AGBL2: variants seen among roughly 807,000 people sequenced by gnomAD.
The protein encoded by AGBL2 is AGBL carboxypeptidase 2.
In AGBL2, 87 loss-of-function variants were observed where a neutral mutation model predicts 103.0. That is an observed-to-expected ratio of 0.84 (90% CI 0.71 to 1.01). The LOEUF is 1.01. AGBL2 is among the 50% of genes least tolerant of loss of function. The probability of loss-of-function intolerance (pLI) is 0.00; values close to 1 mark genes in which losing one functional copy is unlikely to be tolerated. For synonymous variants in AGBL2, 335 were observed against 356.7 expected, an observed-to-expected ratio of 0.94 and a Z score of 0.69; for missense variants, 904 against 1,023.5, an observed-to-expected ratio of 0.88 and a Z score of 1.59.
At chr11:47,674,883 T>G (rs1411296412) in intron 14 of AGBL2, among the ~76,000 whole-genome samples, 1 of 151,900 alleles carries the variant, frequency 6.6e-6, no homozygotes, top group East Asian at 1.9e-4. Context: ...TACAGGCATG[T>G]GCCATCACAC....
chr11:47,709,332 G>C (rs1447303364), intron 4 of AGBL2, among the ~76,000 whole-genome samples: 1 of 150,944 alleles, frequency 6.6e-6, no homozygotes, highest in African/African-American at 2.4e-5. Flanking sequence ...GAGGTGGTAG[G>C]ACTCTGAGGG....
intron 7 of AGBL2, among the ~76,000 whole-genome samples, chr11:47,701,913 C>T (rs1018940619): frequency 5.4e-5 from 8 of 148,316 alleles, no homozygotes; most frequent in Admixed American, 4.8e-4. Context: ...GCGGAGGTTG[C>T]AGTGAGCCAA....
At position 47,668,826 on chromosome 11, in the gene AGBL2, A is replaced by G; in HGVS notation, c.2214+15T>C. On this transcript the variant is annotated intron_variant, in intron 15 of 18. Transcript: ENST00000525123. ...TTTAAGGCTGCTATTTCCTGGGTATAAGAGTTCAGCTTACCTCATCTGCTA... is the reference window on the plus strand; with the variant it reads ...TTTAAGGCTGCTATTTCCTGGGTATGAGAGTTCAGCTTACCTCATCTGCTA... The G allele has an allele frequency of 6.2e-7, 1 of 1,606,688 alleles. No homozygotes were observed. Among genetic ancestry groups the G allele is most frequent in the Non-Finnish European group, 8.5e-7 (1 of 1,173,562 alleles).
At chr11:47,664,963 C>A (rs2097337595) in intron 17 of AGBL2, among the ~76,000 whole-genome samples, 1 of 151,318 alleles carries the variant, frequency 6.6e-6, no homozygotes, top group Admixed American at 6.6e-5. Flanking sequence ...CTCACTGTAG[C>A]CTTGACCTCT....
chr11:47,677,259 T>C lies in AGBL2; in HGVS notation c.2147+12A>G. On this transcript the variant is annotated intron_variant, in intron 14 of 18. Coordinates refer to ENST00000525123, the MANE Select transcript of AGBL2 (RefSeq NM_024783.4). ...TTTAAAAAAAAACAAAACTCTGTTT[T>C]TTCTTTGTTACCTGGATTCAATGTC... 1 of 1,583,458 alleles carries C rather than the reference T, an allele frequency of 6.3e-7. No individual in the cohort carries two copies. The highest frequency in any genetic ancestry group is 8.6e-7 in the Non-Finnish European group (1 of 1,168,892).
chr11:47,692,625 G>A (rs1038131979), intron 8 of AGBL2, among the ~76,000 whole-genome samples: 1 of 151,084 alleles, frequency 6.6e-6, no homozygotes, highest in African/African-American at 2.4e-5. Context: ...TGTTAGCCAG[G>A]ATGGTCTCGA....
At chr11:47,669,397 C>T (rs566328736) in intron 14 of AGBL2, among the ~76,000 whole-genome samples, 94 of 152,178 alleles carry the variant, frequency 6.2e-4, no homozygotes, top group African/African-American at 2.1e-3. Context: ...CAGCTGGGTG[C>T]GGTGGCACAC....
chr11:47,682,114 T>C lies in AGBL2; in HGVS notation c.1789-19A>G. The C allele has an allele frequency of 6.2e-7, 1 of 1,607,744 alleles. No homozygotes were observed. The highest frequency in any genetic ancestry group is 1.7e-4 in the Middle Eastern group (1 of 6,040). On this transcript the variant is annotated intron_variant, in intron 11 of 18. Transcript: ENST00000525123. Reference sequence around the variant, plus strand: ...AAGAGAACTAAAAAGAAATCCAAATTTTCTGTTAATCATAAATCAGCAAAT... The same window carrying C: ...AAGAGAACTAAAAAGAAATCCAAATCTTCTGTTAATCATAAATCAGCAAAT...
intron 14 of AGBL2, among the ~76,000 whole-genome samples, chr11:47,670,828 T>C (rs183369598): frequency 5.1e-4 from 78 of 151,992 alleles, no homozygotes; most frequent in Middle Eastern, 3.4e-3. Context: ...ACCCTGTCTC[T>C]ACAAAAAAAT....
At chr11:47,665,606 T>C (rs2097339379) in intron 17 of AGBL2, among the ~76,000 whole-genome samples, 1 of 151,852 alleles carries the variant, frequency 6.6e-6, no homozygotes, top group Admixed American at 6.6e-5. Context: ...TGTGCACCAC[T>C]ATGCCCAGCT....
chr11:47,681,946 A>G (rs772010154), intron 12 of AGBL2, 23 bp downstream of exon 12: 2 of 1,609,452 alleles, frequency 1.2e-6, no homozygotes, highest in Admixed American at 3.4e-5. Context: ...ATGCTGGCCT[A>G]TGATATACAA....
chr11:47,697,355 C>G (rs2097478921), intron 8 of AGBL2, among the ~76,000 whole-genome samples: 1 of 151,774 alleles, frequency 6.6e-6, no homozygotes, highest in African/African-American at 2.4e-5. Flanking sequence ...TCTCCTGCCT[C>G]AGCCTCCTGA....
At chr11:47,664,970 C>T (rs1020861250) in intron 17 of AGBL2, among the ~76,000 whole-genome samples, 1 of 151,226 alleles carries the variant, frequency 6.6e-6, no homozygotes, top group Non-Finnish European at 1.5e-5. Context: ...TAGCCTTGAC[C>T]TCTCGGGCTC....
At chr11:47,710,307 T>C in intron 4 of AGBL2, 70 bp downstream of exon 4, 2 of 1,598,542 alleles carry the variant, frequency 1.3e-6, no homozygotes, top group East Asian at 4.5e-5. Context: ...TAGAGCAGAT[T>C]CTTCTGAATA....
intron 4 of AGBL2, 102 bp from the exon 5 acceptor site, chr11:47,706,019 A>G (rs1482502060): frequency 5.6e-6 from 5 of 891,402 alleles, no homozygotes; most frequent in Non-Finnish European, 9.4e-6. Flanking sequence ...CTCACTCTGG[A>G]CCCCTGCATT....
At chr11:47,685,727 G>T (rs1034050437) in intron 11 of AGBL2, among the ~76,000 whole-genome samples, 166 bp downstream of exon 11, 2 of 151,944 alleles carry the variant, frequency 1.3e-5, no homozygotes, top group Non-Finnish European at 2.9e-5. Flanking sequence ...TGGCCCCACA[G>T]CAATTCTTAA....
intron 14 of AGBL2, among the ~76,000 whole-genome samples, chr11:47,673,793 CAAA>C (rs66460144): frequency 5.3e-5 from 4 of 75,862 alleles, no homozygotes; most frequent in African/African-American, 5.8e-5. Flanking sequence ...GACTCCATCT[CAAA>C]AAAAAAAAAA....
intron 7 of AGBL2, among the ~76,000 whole-genome samples, chr11:47,700,392 A>G (rs1034474966): frequency 1.3e-5 from 2 of 151,988 alleles, no homozygotes; most frequent in Non-Finnish European, 2.9e-5. Context: ...CAGCCTGGCC[A>G]ACATAGTGAA....
intron 8 of AGBL2, among the ~76,000 whole-genome samples, chr11:47,697,036 C>T (rs2097477061): frequency 6.7e-6 from 1 of 149,652 alleles, no homozygotes; most frequent in Non-Finnish European, 1.5e-5. Flanking sequence ...TCATGCAATT[C>T]CCCTGCCTCA....
Sources: allele counts gnomAD v4.1 joint callset (sites outside exome capture counted in the v4.1 genomes callset), GRCh38; gene constraint gnomAD v4.1.1; transcripts MANE v1.5; gene names NCBI Gene and HGNC (gene_info 2026-07-23, HGNC 2026-07-21).